Variants in ATP10A observed in about 807,000 individuals in gnomAD.
ATP10A encodes the protein ATPase phospholipid transporting 10A (putative), also known as phospholipid-transporting ATPase VA.
A neutral mutation model predicts 147.8 loss-of-function variants in ATP10A; 111 were observed. The observed-to-expected ratio is 0.75, with a 90% CI of 0.64 to 0.88. The LOEUF is 0.88. Ranked by LOEUF, ATP10A falls within the 40% of genes least tolerant of loss-of-function variation. ATP10A has a pLI of 0.00. For synonymous variants in ATP10A, 875 were observed against 841.6 expected, an observed-to-expected ratio of 1.04 and a Z score of -0.69; for missense variants, 1,927 against 1,959.0, an observed-to-expected ratio of 0.98 and a Z score of 0.31.
In ATP10A at chr15:25,781,085, C is replaced by G; in HGVS notation, c.588G>C (p.Glu196Asp). 6.2e-7 allele frequency: 1 copy of G among 1,614,186 alleles called. No individual in the cohort carries two copies. Among genetic ancestry groups the G allele is most frequent in the South Asian group, 1.1e-5 (1 of 91,078 alleles). ...TGGTCTCTCCATCCAGGTTGGCGGT[C>G]TCGATGTGGCATAGCCCGTCGGGGT... Reference protein sequence around the residue: ...SSDPDGLCHIETANLDGETNL... With the variant: ...SSDPDGLCHIDTANLDGETNL... Residue 196 changes from glutamate to aspartate, a missense_variant, in exon 2 of 21, where the codon GAG (glutamate) becomes GAC (aspartate). Glu to Asp is a conservative substitution (Grantham distance 45). Transcript: ENST00000555815.
intron 4 of ATP10A, 147 bp downstream of exon 4, chr15:25,727,013 C>T (rs1252546864): frequency 5.3e-6 from 3 of 561,000 alleles, no homozygotes; most frequent in East Asian, 3.2e-5. Context: ...GCCGAGATCG[C>T]GCCACTGCAC....
At chr15:25,703,231 G>T (rs1487515682) in intron 12 of ATP10A, among the ~76,000 whole-genome samples, 1 of 152,192 alleles carries the variant, frequency 6.6e-6, no homozygotes, top group African/African-American at 2.4e-5. Flanking sequence ...GGTAGTGGGT[G>T]CCTGTAATCC....
At position 25,680,366 on chromosome 15, in the gene ATP10A, CA is replaced by C. The variant is rs1899336062; in HGVS notation, c.3679-59del. The C allele has an allele frequency of 3.9e-6, 6 of 1,552,842 alleles. No individual in the cohort carries two copies. In the Admixed American group the frequency reaches 8.6e-5, roughly 22 times the overall value. On this transcript the variant is annotated intron_variant, in intron 19 of 20. Transcript: ENST00000555815. ...TTCCACCTAAAAGTGACAACAATGA[CA>C]ATAACAAAAACGTGCCAGTCATCAA...
intron 1 of ATP10A, among the ~76,000 whole-genome samples, chr15:25,830,741 T>G (rs928451172): frequency 6.6e-6 from 1 of 152,182 alleles, no homozygotes; most frequent in East Asian, 1.9e-4. Context: ...CATGAGGTCA[T>G]GACATTTTAA....
chr15:25,849,456 G>A (rs967279174), intron 1 of ATP10A, among the ~76,000 whole-genome samples: 1 of 152,166 alleles, frequency 6.6e-6, no homozygotes, highest in Non-Finnish European at 1.5e-5. Flanking sequence ...GCAGTAGTTG[G>A]GAACAGAGCC....
At chr15:25,699,612 T>C (rs1237343600) in intron 13 of ATP10A, among the ~76,000 whole-genome samples, 11 of 152,206 alleles carry the variant, frequency 7.2e-5, no homozygotes, top group Admixed American at 7.2e-4. Flanking sequence ...CTCAAGTCTA[T>C]AATCTCAGCA....
At chr15:25,694,169 C>T (rs777629002) in intron 14 of ATP10A, among the ~76,000 whole-genome samples, 1 of 152,200 alleles carries the variant, frequency 6.6e-6, no homozygotes, top group African/African-American at 2.4e-5. Flanking sequence ...GGCGAGTGGC[C>T]ACCATCCCCT....
intron 3 of ATP10A, among the ~76,000 whole-genome samples, chr15:25,732,064 G>A (rs947571978): frequency 6.6e-6 from 1 of 152,020 alleles, no homozygotes; most frequent in Non-Finnish European, 1.5e-5. Flanking sequence ...TAGAGACAAG[G>A]TCTCACTACA....
intron 1 of ATP10A, among the ~76,000 whole-genome samples, chr15:25,828,133 G>A (rs1005055250): frequency 6.6e-6 from 1 of 152,152 alleles, no homozygotes; most frequent in Non-Finnish European, 1.5e-5. Context: ...GAAGCTAACT[G>A]TAAGTTCCCA....
intron 1 of ATP10A, among the ~76,000 whole-genome samples, chr15:25,794,424 T>C (rs1368034795): frequency 1.3e-5 from 2 of 152,176 alleles, no homozygotes; most frequent in Admixed American, 1.3e-4. Flanking sequence ...CTCCATAACA[T>C]ATTTACTGCA....
At chr15:25,830,380 A>C (rs910048545) in intron 1 of ATP10A, among the ~76,000 whole-genome samples, 1 of 152,202 alleles carries the variant, frequency 6.6e-6, no homozygotes, top group African/African-American at 2.4e-5. Flanking sequence ...CAGCCTGTCC[A>C]AAACCACACA....
chr15:25,786,704 C>A lies in ATP10A; in HGVS notation c.450-5481G>T, dbSNP rs374433613. ...GCAGTGGCGTGATCTCGGCTCACTG[C>A]AAGCTCCGCCTCCTGGGTTCACTCC... On this transcript the variant is annotated intron_variant, in intron 1 of 20. Coordinates refer to ENST00000555815, the MANE Select transcript of ATP10A (RefSeq NM_024490.4). Among the ~76,000 whole-genome samples the A allele has an allele frequency of 2.2e-3, 304 of 139,732 alleles. 2 individuals carry two copies. Among genetic ancestry groups the A allele is most frequent in the African/African-American group, 7.5e-3 (284 of 37,742 alleles). 91.7% of individuals were successfully genotyped at this position (139,732 alleles called of 152,430 possible). A position where few individuals can be genotyped will look rare whatever the true frequency, so the allele number is the denominator to read the frequency against.
intron 1 of ATP10A, among the ~76,000 whole-genome samples, chr15:25,857,511 G>A (rs573974206): frequency 6.6e-6 from 1 of 152,282 alleles, no homozygotes; most frequent in South Asian, 2.1e-4. Context: ...GAAGAGTCAT[G>A]CTTTTCTAAA....
At chr15:25,745,881 A>G (rs1887822676) in intron 2 of ATP10A, among the ~76,000 whole-genome samples, 1 of 152,236 alleles carries the variant, frequency 6.6e-6, no homozygotes, top group African/African-American at 2.4e-5. Context: ...TATTATAGTA[A>G]GAAGCATATA....
rs184393144 is a variant in ATP10A, at chr15:25,760,141, A to C, written c.654+20878T>G. Among the ~76,000 whole-genome samples, 422 of 152,240 alleles carry C rather than the reference A, an allele frequency of 2.8e-3. 3 individuals are homozygous for C. The highest frequency in any genetic ancestry group is 9.8e-3 in the African/African-American group (405 of 41,522). On this transcript the variant is annotated intron_variant, in intron 2 of 20. Transcript: ENST00000555815. ...TGGATATTTGACAAACTTTTCAAAA[A>C]ACTTTTGACCGAAATTAACTTTAGG... is the stretch of plus-strand genomic sequence containing the variant.
At position 25,705,750 on chromosome 15, in the gene ATP10A, C is replaced by T. The variant is rs143070542; in HGVS notation, c.2575+2226G>A. Among the ~76,000 whole-genome samples, 207 of 152,328 alleles carry T rather than the reference C, an allele frequency of 1.4e-3. 5 individuals are homozygous for T. In the East Asian group the frequency reaches 0.036, roughly 27 times the overall value. ...CATTTCTGTGGTATAAATACTCCCA[C>T]CTTGGCTGACTTCAATCTACTAACA... On this transcript the variant is annotated intron_variant, in intron 12 of 20. Transcript: ENST00000555815.
chr15:25,724,165 C>T (rs1188742786), intron 5 of ATP10A, 144 bp from the exon 6 acceptor site: 3 of 876,348 alleles, frequency 3.4e-6, no homozygotes, highest in African/African-American at 1.7e-5. Flanking sequence ...TGTCAGAAAG[C>T]GAAAACACAA....
chr15:25,744,156 T>G (rs1483391867), intron 2 of ATP10A, among the ~76,000 whole-genome samples: 1 of 152,086 alleles, frequency 6.6e-6, no homozygotes, highest in Non-Finnish European at 1.5e-5. Context: ...ACGGTGCCAC[T>G]GCATCAAACA....
At chr15:25,795,008 C>G (rs1890602947) in intron 1 of ATP10A, among the ~76,000 whole-genome samples, 1 of 152,196 alleles carries the variant, frequency 6.6e-6, no homozygotes, top group South Asian at 2.1e-4. Context: ...TCATACCTCC[C>G]AATTTTAGAG....
Sources: allele counts gnomAD v4.1 joint callset (sites outside exome capture counted in the v4.1 genomes callset), GRCh38; gene constraint gnomAD v4.1.1; transcripts MANE v1.5; gene names NCBI Gene and HGNC (gene_info 2026-07-23, HGNC 2026-07-21).